Variants in DCAF10 observed in about 807,000 individuals in gnomAD.
DCAF10 encodes DDB1 and CUL4 associated factor 10.
A neutral mutation model predicts 51.9 loss-of-function variants in DCAF10; 19 were observed. That is an observed-to-expected ratio of 0.37 (90% CI 0.26 to 0.54). The LOEUF is 0.54. Ranked by LOEUF, DCAF10 falls within the 20% of genes least tolerant of loss-of-function variation. The pLI, the probability that DCAF10 is intolerant of heterozygous loss-of-function variation, is 0.87. For synonymous variants in DCAF10, 291 were observed against 297.1 expected (o/e 0.98, Z 0.21); for missense variants, 510 against 730.6 (o/e 0.70, Z 3.48).
chr9:37,854,114 T>G (rs1191656455), intron 3 of DCAF10, among the ~76,000 whole-genome samples: 1 of 151,654 alleles, frequency 6.6e-6, no homozygotes, highest in Non-Finnish European at 1.5e-5. Flanking sequence ...TTTTTTTGAA[T>G]AGAGACAGGG....
chr9:37,831,174 G>A (rs533152291), intron 2 of DCAF10, among the ~76,000 whole-genome samples: 18 of 152,216 alleles, frequency 1.2e-4, no homozygotes, highest in African/African-American at 4.1e-4. Context: ...CCGAGATCGC[G>A]CCACTGCACT....
At chr9:37,839,168 C>G (rs1398665396) in intron 2 of DCAF10, among the ~76,000 whole-genome samples, 1 of 151,898 alleles carries the variant, frequency 6.6e-6, no homozygotes, top group African/African-American at 2.4e-5. Context: ...AATTCTCTGC[C>G]TCTGCCTCAG....
rs142427269 is a variant in DCAF10 at position 37,842,719 on chromosome 9, G to A, written c.851+433G>A. ...CAAAGGGAATGTTTAGGAATAAAGCGTGGGGCAATTTTGGTTGTCACTATG... is the reference window on the plus strand; with the variant it reads ...CAAAGGGAATGTTTAGGAATAAAGCATGGGGCAATTTTGGTTGTCACTATG... On this transcript the variant is annotated intron_variant, in intron 3 of 6. Coordinates refer to ENST00000377724, the MANE Select transcript of DCAF10 (RefSeq NM_024345.5). Among the ~76,000 whole-genome samples, 14 of 152,268 alleles carry A rather than the reference G, an allele frequency of 9.2e-5. No individual in the cohort carries two copies. The East Asian group carries it at 2.3e-3, about 25-fold the overall frequency.
chr9:37,840,097 G>A (rs1830288062), intron 2 of DCAF10, among the ~76,000 whole-genome samples: 1 of 152,164 alleles, frequency 6.6e-6, no homozygotes, highest in South Asian at 2.1e-4. Flanking sequence ...GCTTCCTGGA[G>A]GGCATAACAG....
chr9:37,800,699 G>T (rs1228608805), upstream of DCAF10: 17 of 1,535,936 alleles, frequency 1.1e-5, no homozygotes, highest in East Asian at 4.2e-4. Flanking sequence ...CCCCAAACCC[G>T]GCGGTGTCTC....
chr9:37,824,446 T>A (rs1305862084), intron 2 of DCAF10, among the ~76,000 whole-genome samples: 1 of 151,506 alleles, frequency 6.6e-6, no homozygotes, highest in African/African-American at 2.4e-5. Context: ...CTGAAAAGAT[T>A]TAACTAAAAT....
At position 37,846,167 on chromosome 9, in the gene DCAF10, T is replaced by C. The variant is rs80252131; in HGVS notation, c.851+3881T>C. Among the ~76,000 whole-genome samples the C allele has an allele frequency of 4.2e-3, 639 of 152,272 alleles. 5 individuals are homozygous for C. The highest frequency in any genetic ancestry group is 0.014 in the African/African-American group (583 of 41,548). On this transcript the variant is annotated intron_variant, in intron 3 of 6. Coordinates refer to ENST00000377724, the MANE Select transcript of DCAF10 (RefSeq NM_024345.5). ...AGTAAATATCATGACCAAGTTGGGC[T>C]TACTCAAGGAATGAAAAGATGGTTT...
At chr9:37,852,959 T>C (rs368534198) in intron 3 of DCAF10, among the ~76,000 whole-genome samples, 5 of 82,236 alleles carry the variant, frequency 6.1e-5, no homozygotes, top group Non-Finnish European at 1.3e-4. Context: ...TATATATATA[T>C]ATATATAAAT....
intron 2 of DCAF10, among the ~76,000 whole-genome samples, chr9:37,839,613 G>A (rs907300400): frequency 1.1e-4 from 16 of 152,082 alleles, no homozygotes; most frequent in Admixed American, 3.9e-4. Flanking sequence ...GTATTCCCTA[G>A]TCATCTCTAC....
intron 3 of DCAF10, among the ~76,000 whole-genome samples, chr9:37,852,091 T>G (rs1452345707): frequency 6.6e-6 from 1 of 151,986 alleles, no homozygotes; most frequent in Admixed American, 6.6e-5. Flanking sequence ...GAGATCCAAA[T>G]TTACATATAC....
chr9:37,852,410 C>A (rs1229512334), intron 3 of DCAF10, among the ~76,000 whole-genome samples: 1 of 152,064 alleles, frequency 6.6e-6, no homozygotes, highest in Non-Finnish European at 1.5e-5. Context: ...CTAGCCTGGG[C>A]AACACAGCAA....
intron 1 of DCAF10, among the ~76,000 whole-genome samples, chr9:37,810,139 C>T (rs1365692591): frequency 6.7e-6 from 1 of 149,148 alleles, no homozygotes; most frequent in Non-Finnish European, 1.5e-5. Flanking sequence ...GCAACGAGAG[C>T]GAAACTCCAT....
intron 2 of DCAF10, among the ~76,000 whole-genome samples, chr9:37,837,243 G>C (rs1215502551): frequency 6.6e-6 from 1 of 151,858 alleles, no homozygotes; most frequent in East Asian, 1.9e-4. Flanking sequence ...GGCGGATCAC[G>C]AGGTCAGGAG....
In DCAF10 at chr9:37,861,744, C is replaced by T; in HGVS notation, c.*236C>T. On this transcript the variant is annotated 3_prime_UTR_variant, in exon 7 of 7. Transcript: ENST00000377724. This position sits in a 1 kb window ranked among gnomAD's most constrained non-coding sequence, Gnocchi z 4.9. ...GCAGCATTCCTCTGCTCCTGCTGAT[C>T]TGTGCCACTGAACTCCAGTTCTTCT... The T allele has an allele frequency of 2.2e-6, 1 of 446,254 alleles. No individual in the cohort carries two copies. The highest frequency in any genetic ancestry group is 3.9e-6 in the Non-Finnish European group (1 of 254,354). 27.6% of individuals were successfully genotyped at this position (446,254 alleles called of 1,614,324 possible).
intron 3 of DCAF10, among the ~76,000 whole-genome samples, chr9:37,851,532 C>T (rs904091025): frequency 6.6e-6 from 1 of 150,560 alleles, no homozygotes; most frequent in African/African-American, 2.4e-5. Flanking sequence ...CAGTGGCTCA[C>T]ACCTGTAATC....
Position 37,800,813 on chromosome 9 carries a change from T to C in DCAF10, c.-54T>C. On this transcript the variant is annotated 5_prime_UTR_variant, in exon 1 of 7. Transcript: ENST00000377724. ...GGAAGTGGCAGCTGAACAGGGGCAC[T>C]GAGGTGTCGGCCGGCGGGGCAGTGG... 2 of 1,497,680 alleles carry C rather than the reference T, an allele frequency of 1.3e-6. No individual in the cohort carries two copies. The highest frequency in any genetic ancestry group is 1.8e-6 in the Non-Finnish European group (2 of 1,129,080). The allele number at this position is 1,497,680 out of a possible 1,614,324, so 92.8% of individuals were successfully genotyped here. A position where few individuals can be genotyped will look rare whatever the true frequency, so the allele number is the denominator to read the frequency against.
At chr9:37,833,737 G>T (rs1425783534) in intron 2 of DCAF10, among the ~76,000 whole-genome samples, 1 of 152,136 alleles carries the variant, frequency 6.6e-6, no homozygotes, top group Non-Finnish European at 1.5e-5. Flanking sequence ...ATTTATTGGG[G>T]TCTGTGGAGT....
At chr9:37,852,060 C>T (rs1830666901) in intron 3 of DCAF10, among the ~76,000 whole-genome samples, 1 of 151,810 alleles carries the variant, frequency 6.6e-6, no homozygotes, top group South Asian at 2.1e-4. Flanking sequence ...TCAAATGAAT[C>T]CCAGTAAAGA....
At chr9:37,859,919 T>C in intron 5 of DCAF10, 129 bp from the exon 6 acceptor site, 1 of 1,124,128 alleles carries the variant, frequency 8.9e-7, no homozygotes, top group Non-Finnish European at 1.3e-6. Context: ...CTCTTTAACA[T>C]ATGGTAGCAT....
Sources: allele counts gnomAD v4.1 joint callset (sites outside exome capture counted in the v4.1 genomes callset), GRCh38; gene constraint gnomAD v4.1.1; non-coding constraint Gnocchi (gnomAD v3.1); transcripts MANE v1.5; gene names NCBI Gene and HGNC (gene_info 2026-07-23, HGNC 2026-07-21).